CD81: variants seen among roughly 807,000 people sequenced by gnomAD.
CD81 encodes CD81 molecule, also known as CD81 antigen.
Under a neutral mutation model 30.1 loss-of-function variants are expected in CD81, and 10 were observed. That is an observed-to-expected ratio of 0.33 (90% CI 0.21 to 0.56). The LOEUF (loss-of-function observed/expected upper bound fraction) is 0.56. CD81 is among the 20% of genes least tolerant of loss of function. The pLI, the probability that CD81 is intolerant of heterozygous loss-of-function variation, is 0.89. For missense variants in CD81, 263 were observed against 308.7 expected, an observed-to-expected ratio of 0.85 and a Z score of 1.11; for synonymous variants, 147 against 126.4, an observed-to-expected ratio of 1.16 and a Z score of -1.10.
At chr11:2,382,592 G>T (rs1006202862) in intron 1 of CD81, 2 of 152,246 alleles carry the variant, frequency 1.3e-5, no homozygotes, top group South Asian at 2.1e-4. Context: ...GGGGGACCCC[G>T]CAGGGCGCCC....
chr11:2,393,781 G>T, intron 2 of CD81: 1 of 612,384 alleles, frequency 1.6e-6, no homozygotes, highest in Non-Finnish European at 2.9e-6. Context: ...GGTGGGTGTG[G>T]CAGGTGGCGG....
At chr11:2,382,654 C>T (rs1418876209) in intron 1 of CD81, 1 of 152,286 alleles carries the variant, frequency 6.6e-6, no homozygotes, top group Non-Finnish European at 1.5e-5. Context: ...GCCTGGGGTC[C>T]TCACTTCTCT....
chr11:2,395,341 C>A, intron 4 of CD81, 75 bp from the exon 5 acceptor site: 1 of 1,230,898 alleles, frequency 8.1e-7, no homozygotes. Context: ...AAAAGTGCGT[C>A]CGCCTGGGGC....
chr11:2,396,351 GCT>G lies in CD81; in HGVS notation c.562-276_562-275del, dbSNP rs1280234015. On this transcript the variant is annotated intron_variant, in intron 6 of 7. Transcript: ENST00000263645. ...CTCAGTGGAAGTCGTCATCAGTGAT[GCT>G]TTAGGGGTCTAGTGACACCAATGAC... 13 of 587,296 alleles carry G rather than the reference GCT, an allele frequency of 2.2e-5. No individual in the cohort carries two copies. The African/African-American group carries it at 2.4e-4, about 11-fold the overall frequency. The allele number at this position is 587,296 out of a possible 1,614,324, so 36.4% of individuals were successfully genotyped here. A position where few individuals can be genotyped will look rare whatever the true frequency, so the allele number is the denominator to read the frequency against.
At chr11:2,394,341 T>A (rs893753095) in intron 3 of CD81, 149 bp downstream of exon 3, 7 of 615,286 alleles carry the variant, frequency 1.1e-5, no homozygotes, top group Non-Finnish European at 1.4e-5. Flanking sequence ...GTTTGGTTTT[T>A]AAATTAAATC....
rs1428615654 is a variant in CD81, at chr11:2,395,519, C to T, written c.458C>T (p.Thr153Met). The T allele has an allele frequency of 1.9e-6, 3 of 1,611,538 alleles. No individual in the cohort carries two copies. Among genetic ancestry groups the T allele is most frequent in the East Asian group, 2.2e-5 (1 of 44,876 alleles). The change falls in exon 5 of 8, where the codon ACG becomes ATG. Residue 153 changes from threonine (T) to methionine (M), a missense_variant and splice_region_variant. Around this residue, in one of 3 missense-constraint regions of CD81, gnomAD observed 176 missense variants for 192.9 expected, o/e 0.91. Transcript: ENST00000263645. ...AKAVVKTFHE[T>M]LDCCGSSTLT... ...GCTGTGGTGAAGACCTTCCACGAGACGGTGCGGCCCCGGGGGGCGAGGGCG... is the reference window on the plus strand; with the variant it reads ...GCTGTGGTGAAGACCTTCCACGAGATGGTGCGGCCCCGGGGGGCGAGGGCG...
At chr11:2,395,673 G>A (rs1849986577) in intron 5 of CD81, 153 bp downstream of exon 5, 5 of 764,258 alleles carry the variant, frequency 6.5e-6, no homozygotes, top group Admixed American at 6.2e-5. Flanking sequence ...GTCCTCGGGT[G>A]GGAACCTAGT....
intron 2 of CD81, chr11:2,391,453 C>T (rs1274698849): frequency 6.6e-6 from 1 of 152,360 alleles, no homozygotes; most frequent in African/African-American, 2.4e-5. Flanking sequence ...TGCGCCGTCC[C>T]ACCTCTTTGT....
chr11:2,396,542 G>C, intron 6 of CD81, 86 bp from the exon 7 acceptor site: 1 of 1,167,882 alleles, frequency 8.6e-7, no homozygotes, highest in Non-Finnish European at 1.3e-6. Flanking sequence ...TACGCTTTCT[G>C]TGGTGACCAC....
At position 2,378,499 on chromosome 11, in the gene CD81, GA is replaced by G. The variant is rs1467867889; in HGVS notation, c.66+885del. On this transcript the variant is annotated intron_variant, in intron 1 of 7. Coordinates refer to ENST00000263645, the MANE Select transcript of CD81 (RefSeq NM_004356.4). The surrounding 1 kb of genome is among the most constrained non-coding windows in gnomAD (Gnocchi z 4.9). ...TCTTTGGGTGCCAGCGTGGGTGGAGGAGGGTCTTTTGCTGAGAATGGCTTTC... is the reference window on the plus strand; with the variant it reads ...TCTTTGGGTGCCAGCGTGGGTGGAGGGGGTCTTTTGCTGAGAATGGCTTTC... Among the ~76,000 whole-genome samples the G allele has an allele frequency of 2.0e-5, 3 of 152,244 alleles. No homozygotes were observed. The highest frequency in any genetic ancestry group is 2.0e-4 in the Admixed American group (3 of 15,292).
intron 1 of CD81, among the ~76,000 whole-genome samples, chr11:2,387,682 C>G (rs1226321907): frequency 6.6e-6 from 1 of 152,148 alleles, no homozygotes; most frequent in Admixed American, 6.5e-5. Context: ...CTCCCTGGGG[C>G]CTTGTCATGT....
chr11:2,383,545 C>T (rs892318952), intron 1 of CD81, among the ~76,000 whole-genome samples: 3 of 152,152 alleles, frequency 2.0e-5, no homozygotes, highest in Non-Finnish European at 4.4e-5. Flanking sequence ...CCTCACTGTC[C>T]TCCTGGGGAG....
intron 7 of CD81, 36 bp from the exon 8 acceptor site, chr11:2,396,768 C>G (rs1327594501): frequency 6.2e-7 from 1 of 1,612,198 alleles, no homozygotes. Flanking sequence ...TCCGCGGGGC[C>G]TTGTGCTGAC....
chr11:2,393,659 A>G (rs1849942677), intron 2 of CD81: 4 of 545,654 alleles, frequency 7.3e-6, no homozygotes, highest in South Asian at 4.7e-5. Context: ...CCCGGCCTAC[A>G]GTGGGGCCCA....
intron 1 of CD81, among the ~76,000 whole-genome samples, chr11:2,388,424 C>T (rs916692518): frequency 6.7e-6 from 1 of 150,208 alleles, no homozygotes; most frequent in Non-Finnish European, 1.5e-5. Flanking sequence ...AGCTCACGCT[C>T]TGCTGAGCAC....
intron 1 of CD81, chr11:2,390,149 TC>T: frequency 1.7e-6 from 1 of 588,590 alleles, no homozygotes; most frequent in Non-Finnish European, 3.1e-6. Context: ...TCCCGTGTCT[TC>T]CTGGCAGTCC....
chr11:2,393,739 T>C (rs1177006438), intron 2 of CD81: 6 of 599,736 alleles, frequency 1.0e-5, no homozygotes, highest in Non-Finnish European at 1.5e-5. Flanking sequence ...GTGAAGGCGG[T>C]GGGTGGCGGG....
At chr11:2,390,733 C>A (rs1028164294) in intron 2 of CD81, among the ~76,000 whole-genome samples, 9 of 152,130 alleles carry the variant, frequency 5.9e-5, no homozygotes, top group Admixed American at 5.2e-4. Context: ...TGAGCCAGGG[C>A]AGGGGGTGGC....
At chr11:2,379,108 C>A (rs2651796) in intron 1 of CD81, 2 of 453,358 alleles carry the variant, frequency 4.4e-6, no homozygotes, top group African/African-American at 4.0e-5. Flanking sequence ...GGACCTCAGC[C>A]GTTGCTTAGT....
Sources: gnomAD v4.1 joint callset for allele counts (sites outside exome capture counted in the v4.1 genomes callset) on GRCh38, gnomAD v4.1.1 for gene constraint, gnomAD v4.1.1 regional missense constraint, Gnocchi (gnomAD v3.1) non-coding constraint, MANE v1.5 for transcripts, NCBI Gene and HGNC (gene_info 2026-07-23, HGNC 2026-07-21) for gene names.